The following PRKCA variants were observed in gnomAD, a reference collection of about 807,000 sequenced individuals.
PRKCA encodes the protein protein kinase C alpha type.
A neutral mutation model predicts 87.0 loss-of-function variants in PRKCA; 27 were observed. That is an observed-to-expected ratio of 0.31 (90% CI 0.23 to 0.43). The LOEUF is 0.43. Ranked by LOEUF, PRKCA falls within the 20% of genes least tolerant of loss-of-function variation. The probability of loss-of-function intolerance (pLI) is 1.00; values close to 1 mark genes in which losing one functional copy is unlikely to be tolerated. For synonymous variants in PRKCA, 329 were observed against 311.1 expected (o/e 1.06, Z -0.61); for missense variants, 518 against 852.3 (o/e 0.61, Z 4.88).
intron 2 of PRKCA, among the ~76,000 whole-genome samples, chr17:66,463,407 T>G (rs943100964): frequency 3.9e-5 from 6 of 152,018 alleles, no homozygotes; most frequent in African/African-American, 1.4e-4. Flanking sequence ...AATTTTTTTA[T>G]TTTTTTGAGA....
chr17:66,576,198 T>C (rs983732797), intron 3 of PRKCA, among the ~76,000 whole-genome samples: 13 of 152,240 alleles, frequency 8.5e-5, no homozygotes, highest in African/African-American at 2.4e-4. Context: ...CTATGAAGAC[T>C]GTCACAGTTG....
At chr17:66,452,377 G>T (rs536999912) in intron 2 of PRKCA, among the ~76,000 whole-genome samples, 1 of 152,330 alleles carries the variant, frequency 6.6e-6, no homozygotes, top group South Asian at 2.1e-4. Flanking sequence ...TTCGGGAAAG[G>T]ATCATCTGTT....
At chr17:66,742,124 G>A (rs1974170207) in intron 12 of PRKCA, among the ~76,000 whole-genome samples, 2 of 152,166 alleles carry the variant, frequency 1.3e-5, no homozygotes, top group Admixed American at 1.3e-4. Flanking sequence ...GTTAGTAGCT[G>A]TGCTGAAAGT....
intron 3 of PRKCA, among the ~76,000 whole-genome samples, chr17:66,505,343 G>A (rs1034072039): frequency 1.3e-5 from 2 of 152,124 alleles, no homozygotes; most frequent in Non-Finnish European, 2.9e-5. Flanking sequence ...AAGAGGGAGG[G>A]ATGAGTATTT....
chr17:66,663,588 C>T (rs995058723), intron 5 of PRKCA, among the ~76,000 whole-genome samples: 7 of 152,128 alleles, frequency 4.6e-5, no homozygotes, highest in Admixed American at 1.3e-4. Flanking sequence ...GTTAGCCAGA[C>T]GAAGTTCTAG....
At chr17:66,515,809 T>A (rs1333909449) in intron 3 of PRKCA, among the ~76,000 whole-genome samples, 3 of 152,176 alleles carry the variant, frequency 2.0e-5, no homozygotes, top group Non-Finnish European at 4.4e-5. Flanking sequence ...CTTTGCAGAG[T>A]GTTGGGATTA....
intron 3 of PRKCA, among the ~76,000 whole-genome samples, chr17:66,595,270 C>T (rs1029921666): frequency 1.9e-4 from 29 of 151,970 alleles, no homozygotes; most frequent in South Asian, 1.5e-3. Context: ...TGGGCTCAAG[C>T]AAGCCTTTCA....
At chr17:66,687,334 A>G (rs1441430194) in intron 6 of PRKCA, 67 bp downstream of exon 6, 1 of 1,508,412 alleles carries the variant, frequency 6.6e-7, no homozygotes, top group African/African-American at 1.4e-5. Context: ...TCATTATTTG[A>G]GGTAATGAAG....
At chr17:66,603,246 A>G (rs60717778) in intron 3 of PRKCA, among the ~76,000 whole-genome samples, 1 of 152,288 alleles carries the variant, frequency 6.6e-6, no homozygotes, top group East Asian at 1.9e-4. Flanking sequence ...CTTCCTTGGA[A>G]TTCTGGCCCC....
At chr17:66,597,523 T>C (rs1199580346) in intron 3 of PRKCA, among the ~76,000 whole-genome samples, 8 of 40,184 alleles carry the variant, frequency 2.0e-4, no homozygotes, top group Admixed American at 3.5e-4. Flanking sequence ...TTCTCCCATT[T>C]TGTAGGTTGC....
intron 3 of PRKCA, among the ~76,000 whole-genome samples, chr17:66,636,484 G>T (rs1262499667): frequency 1.3e-5 from 2 of 152,176 alleles, no homozygotes; most frequent in African/African-American, 2.4e-5. Flanking sequence ...GGGAATGCGG[G>T]ACCTAGGAGG....
intron 3 of PRKCA, among the ~76,000 whole-genome samples, chr17:66,629,355 C>G (rs1970946174): frequency 6.6e-6 from 1 of 152,152 alleles, no homozygotes; most frequent in Admixed American, 6.5e-5. Flanking sequence ...CATGTTAGCT[C>G]CCTACTACCA....
chr17:66,302,674 A>G lies in PRKCA; in HGVS notation c.-178A>G, dbSNP rs529064339. The G allele has an allele frequency of 2.4e-3, 512 of 211,538 alleles. No homozygotes were observed. The highest frequency in any genetic ancestry group is 4.5e-3 in the Admixed American group (67 of 14,842). The allele number at this position is 211,538 out of a possible 1,614,324, so 13.1% of individuals were successfully genotyped here. ...TCCGGCTCCCGCTCCCGCTCCGCGC[A>G]GCACCAGCCCGACTCTCCCCGGCCC... On this transcript the variant is annotated 5_prime_UTR_variant, in exon 1 of 17. Transcript: ENST00000413366.
chr17:66,725,414 A>G (rs372755946), intron 8 of PRKCA, among the ~76,000 whole-genome samples: 4 of 152,174 alleles, frequency 2.6e-5, no homozygotes, highest in African/African-American at 9.7e-5. Context: ...TTTTGAATGC[A>G]TGTGCCTGAT....
intron 14 of PRKCA, chr17:66,775,343 T>A: frequency 1.0e-6 from 1 of 985,264 alleles, no homozygotes; most frequent in Non-Finnish European, 1.2e-6. Context: ...CACAGATCAG[T>A]TACATAGGAT....
intron 2 of PRKCA, among the ~76,000 whole-genome samples, chr17:66,469,705 A>G (rs1915240336): frequency 6.6e-6 from 1 of 152,232 alleles, no homozygotes; most frequent in African/African-American, 2.4e-5. Context: ...AAGTAGGACA[A>G]AAAGCTGTCT....
Position 66,641,458 on chromosome 17 carries a change from A to G in PRKCA, c.392A>G (p.Lys131Arg). The change falls in exon 4 of 17, where the codon AAA becomes AGA. Residue 131 changes from lysine (K) to arginine (R), a missense_variant. By Grantham distance (26) the Lys-to-Arg change is conservative. Coordinates refer to ENST00000413366, the MANE Select transcript of PRKCA (RefSeq NM_002737.3). ...TATGGACTTATCCATCAAGGGATGA[A>G]ATGTGACAGTAAGTAAGTTTTCTTT... Reference protein sequence around the residue: ...LLYGLIHQGMKCDTCDMNVHK... With the variant: ...LLYGLIHQGMRCDTCDMNVHK... The G allele has an allele frequency of 6.2e-7, 1 of 1,605,426 alleles. No homozygotes were observed. Among genetic ancestry groups the G allele is most frequent in the East Asian group, 2.2e-5 (1 of 44,662 alleles).
intron 3 of PRKCA, among the ~76,000 whole-genome samples, chr17:66,498,831 A>G (rs1916597496): frequency 6.6e-6 from 1 of 152,202 alleles, no homozygotes; most frequent in African/African-American, 2.4e-5. Context: ...TTTCAGACAA[A>G]GGGAAGAGCA....
Position 66,786,928 on chromosome 17 carries a change from C to G in PRKCA, c.1667C>G (p.Ser556Cys). The G allele has an allele frequency of 3.7e-6, 6 of 1,614,106 alleles. No individual in the cohort carries two copies. The highest frequency in any genetic ancestry group is 4.2e-6 in the Non-Finnish European group (5 of 1,179,974). ...CAGTCTATCATGGAGCACAACGTTT[C>G]CTATCCAAAATCCTTGTCCAAGGAG... The part of the protein sequence containing the change: ...LFQSIMEHNV[S>C]YPKSLSKEAV... Residue 556 changes from serine to cysteine, a missense_variant, in exon 15 of 17, where the codon TCC becomes TGC. Around this residue, in one of 5 missense-constraint regions of PRKCA, gnomAD observed 159 missense variants for 232.4 expected, o/e 0.68. Transcript: ENST00000413366.
Sources: allele counts gnomAD v4.1 joint callset (sites outside exome capture counted in the v4.1 genomes callset), GRCh38; gene constraint gnomAD v4.1.1; regional missense constraint gnomAD v4.1.1; transcripts MANE v1.5; gene names NCBI Gene and HGNC (gene_info 2026-07-23, HGNC 2026-07-21).